TAFA5: variants seen among roughly 807,000 people sequenced by gnomAD.
TAFA5 encodes the protein TAFA chemokine like family member 5.
Under a neutral mutation model 15.3 loss-of-function variants are expected in TAFA5, and 6 were observed. The observed-to-expected ratio is 0.39, with a 90% CI of 0.21 to 0.77. The LOEUF (loss-of-function observed/expected upper bound fraction) is 0.77. TAFA5 is among the 30% of genes least tolerant of loss of function. The probability of loss-of-function intolerance (pLI) is 0.41; values close to 1 mark genes in which losing one functional copy is unlikely to be tolerated. For synonymous variants in TAFA5, 103 were observed against 80.7 expected (o/e 1.28, Z -1.48); for missense variants, 161 against 193.1 (o/e 0.83, Z 0.98).
At chr22:48,587,116 T>C (rs548821581) in intron 1 of TAFA5, among the ~76,000 whole-genome samples, 1 of 152,288 alleles carries the variant, frequency 6.6e-6, no homozygotes, top group Non-Finnish European at 1.5e-5. Context: ...ATGCTTTGGG[T>C]GTGGAAGCCG....
intron 3 of TAFA5, among the ~76,000 whole-genome samples, chr22:48,744,348 A>AC (rs1340117851): frequency 6.6e-6 from 1 of 152,010 alleles, no homozygotes; most frequent in Non-Finnish European, 1.5e-5. Context: ...GATGAGGGCC[A>AC]CCCTTGGGCA....
rs138183310 is a variant in TAFA5, at chr22:48,502,439, A to G, written c.112+12735A>G. On this transcript the variant is annotated intron_variant, in intron 1 of 3. Transcript: ENST00000402357. Reference sequence around the variant, plus strand: ...GAGTACTTTTGTCTTAGGCTTTTGCAGCAGTTACAGTGTTAATGGCTCCAA... The same window carrying G: ...GAGTACTTTTGTCTTAGGCTTTTGCGGCAGTTACAGTGTTAATGGCTCCAA... Among the ~76,000 whole-genome samples, 1,166 of 152,134 alleles carry G rather than the reference A, an allele frequency of 7.7e-3. 12 individuals carry two copies. Among genetic ancestry groups the G allele is most frequent in the Middle Eastern group, 0.021 (6 of 292 alleles).
chr22:48,508,035 CTGT>C (rs1921066380), intron 1 of TAFA5, among the ~76,000 whole-genome samples: 1 of 152,104 alleles, frequency 6.6e-6, no homozygotes, highest in Non-Finnish European at 1.5e-5. Context: ...GTGGGGAGAA[CTGT>C]CACTCGGCCC....
At chr22:48,534,361 A>G (rs962363627) in intron 1 of TAFA5, among the ~76,000 whole-genome samples, 4 of 152,128 alleles carry the variant, frequency 2.6e-5, no homozygotes, top group African/African-American at 9.7e-5. Context: ...GAAGTAGGGC[A>G]GGCAGGTGAG....
In TAFA5 at chr22:48,501,453, C is replaced by T. The variant is rs117045173; in HGVS notation, c.112+11749C>T. 5.1e-3 allele frequency among the ~76,000 whole-genome samples: 770 copies of T among 152,322 alleles called. 5 individuals carry two copies. The highest frequency in any genetic ancestry group is 7.9e-3 in the South Asian group (38 of 4,826). On this transcript the variant is annotated intron_variant, in intron 1 of 3. Coordinates refer to ENST00000402357, the MANE Select transcript of TAFA5 (RefSeq NM_001082967.3). ...GCTGCAGAGGCTGGCGGCGTGAACTCGGGTGACGGCCTCTGCTTCCCTCCT... is the reference window on the plus strand; with the variant it reads ...GCTGCAGAGGCTGGCGGCGTGAACTTGGGTGACGGCCTCTGCTTCCCTCCT...
intron 1 of TAFA5, among the ~76,000 whole-genome samples, chr22:48,545,875 T>G (rs1288644099): frequency 6.6e-6 from 1 of 152,106 alleles, no homozygotes; most frequent in African/African-American, 2.4e-5. Flanking sequence ...GATTAATACA[T>G]GAATGAGTGG....
intron 2 of TAFA5, among the ~76,000 whole-genome samples, chr22:48,689,451 T>C (rs1928469686): frequency 6.6e-6 from 1 of 152,158 alleles, no homozygotes; most frequent in Admixed American, 6.5e-5. Context: ...GGCCAGCCTG[T>C]ACCCTCAGAC....
rs548478651 is a variant in TAFA5, at chr22:48,740,790, G to A, written c.391-9049G>A. On this transcript the variant is annotated intron_variant, in intron 3 of 3. Coordinates refer to ENST00000402357, the MANE Select transcript of TAFA5 (RefSeq NM_001082967.3). ...TGGCCTCGCAGGGTCTGCAGGCACC[G>A]TGCTGAGGACATGCCCCCGGCAGGC... Among the ~76,000 whole-genome samples, 20 of 152,292 alleles carry A rather than the reference G, an allele frequency of 1.3e-4. 1 individual carries two copies. In the South Asian group the frequency reaches 2.9e-3, roughly 22 times the overall value.
intron 1 of TAFA5, among the ~76,000 whole-genome samples, chr22:48,500,550 G>A (rs1291799093): frequency 2.0e-5 from 3 of 152,250 alleles, no homozygotes; most frequent in Non-Finnish European, 4.4e-5. Flanking sequence ...TGAGGAGGAA[G>A]GGGGTGTGGA....
intron 1 of TAFA5, among the ~76,000 whole-genome samples, chr22:48,515,032 G>A (rs1921354742): frequency 6.6e-6 from 1 of 152,270 alleles, no homozygotes; most frequent in Non-Finnish European, 1.5e-5. Flanking sequence ...GAAAGGAGCA[G>A]AGACTCAGAT....
rs1922893827 is a variant in TAFA5 at position 48,552,568 on chromosome 22, C to T, written c.112+62864C>T. ...AGCCCGGCGGAACCCACGCCCATGC[C>T]CAGCTCTGCCTAAATGGATCGATCA... On this transcript the variant is annotated intron_variant, in intron 1 of 3. Transcript: ENST00000402357. This position sits in a 1 kb window ranked among gnomAD's most constrained non-coding sequence, Gnocchi z 4.1. 6.6e-6 allele frequency among the ~76,000 whole-genome samples: 1 copy of T among 152,106 alleles called. No individual in the cohort carries two copies. Among genetic ancestry groups the T allele is most frequent in the Non-Finnish European group, 1.5e-5 (1 of 68,020 alleles).
chr22:48,509,747 C>T (rs1051067828), intron 1 of TAFA5, among the ~76,000 whole-genome samples: 1 of 151,856 alleles, frequency 6.6e-6, no homozygotes, highest in East Asian at 1.9e-4. Flanking sequence ...GTCAGAAGAT[C>T]GAGACCATCC....
chr22:48,633,058 C>G (rs1423600730), intron 1 of TAFA5, among the ~76,000 whole-genome samples: 1 of 152,178 alleles, frequency 6.6e-6, no homozygotes, highest in Non-Finnish European at 1.5e-5. Context: ...AGGGTGGGGC[C>G]AGGCCCCATG....
At chr22:48,648,329 G>C (rs1268194261) in intron 2 of TAFA5, among the ~76,000 whole-genome samples, 1 of 152,130 alleles carries the variant, frequency 6.6e-6, no homozygotes, top group Non-Finnish European at 1.5e-5. Context: ...CCCCTGTGGG[G>C]GCTCCGGATG....
At chr22:48,696,791 T>C (rs1928726181) in intron 2 of TAFA5, among the ~76,000 whole-genome samples, 2 of 152,240 alleles carry the variant, frequency 1.3e-5, no homozygotes, top group South Asian at 4.1e-4. Context: ...CCAAACCCTG[T>C]GCTACATGAG....
At chr22:48,586,165 C>T (rs1420028220) in intron 1 of TAFA5, among the ~76,000 whole-genome samples, 2 of 152,216 alleles carry the variant, frequency 1.3e-5, no homozygotes, top group Non-Finnish European at 2.9e-5. Context: ...CAAGTGTGGC[C>T]CAGTGAGGTC....
chr22:48,626,148 A>C (rs930678581), intron 1 of TAFA5, among the ~76,000 whole-genome samples: 2 of 152,226 alleles, frequency 1.3e-5, no homozygotes, highest in South Asian at 4.1e-4. Context: ...TAAGGCAGCT[A>C]TAAACATTCA....
At chr22:48,537,225 A>AGGGGG (rs1922199995) in intron 1 of TAFA5, among the ~76,000 whole-genome samples, 19 of 149,990 alleles carry the variant, frequency 1.3e-4, no homozygotes, top group Admixed American at 2.0e-4. Context: ...AGGGTGGGGC[A>AGGGGG]GGGGAGGCCG....
At chr22:48,646,068 G>T (rs1926851264) in intron 1 of TAFA5, among the ~76,000 whole-genome samples, 1 of 152,148 alleles carries the variant, frequency 6.6e-6, no homozygotes, top group Admixed American at 6.5e-5. Context: ...ACCCAGGCAG[G>T]CATGGCAGTT....
Sources: gnomAD v4.1 joint callset for allele counts (sites outside exome capture counted in the v4.1 genomes callset) on GRCh38, gnomAD v4.1.1 for gene constraint, Gnocchi (gnomAD v3.1) non-coding constraint, MANE v1.5 for transcripts, NCBI Gene and HGNC (gene_info 2026-07-23, HGNC 2026-07-21) for gene names.